NELL1: variants seen among roughly 807,000 people sequenced by gnomAD.
NELL1 encodes the protein neural EGFL like 1.
A neutral mutation model predicts 107.4 loss-of-function variants in NELL1; 76 were observed. The ratio of observed to expected loss-of-function variants is 0.71; its 90% confidence interval spans 0.59 to 0.86. The LOEUF (loss-of-function observed/expected upper bound fraction) is 0.86. Among genes scored for constraint, NELL1 ranks in the 40% least tolerant of loss-of-function variants. The pLI, the probability that NELL1 is intolerant of heterozygous loss-of-function variation, is 0.00. For missense variants in NELL1, 1,024 were observed against 1,005.5 expected, an observed-to-expected ratio of 1.02 and a Z score of -0.25; for synonymous variants, 353 against 341.2, an observed-to-expected ratio of 1.03 and a Z score of -0.38.
At chr11:20,768,824 G>C (rs989779500) in intron 2 of NELL1, among the ~76,000 whole-genome samples, 1 of 152,142 alleles carries the variant, frequency 6.6e-6, no homozygotes, top group African/African-American at 2.4e-5. Context: ...GAGTATGGCC[G>C]TGCCCCCATC....
intron 2 of NELL1, among the ~76,000 whole-genome samples, chr11:20,760,928 C>G (rs956129151): frequency 2.0e-5 from 3 of 152,188 alleles, no homozygotes; most frequent in Non-Finnish European, 4.4e-5. Context: ...CTCGGCCCAA[C>G]ATCTCTAAAT....
chr11:21,206,999 C>T (rs549457102), intron 13 of NELL1, among the ~76,000 whole-genome samples: 1 of 152,294 alleles, frequency 6.6e-6, no homozygotes, highest in East Asian at 1.9e-4. Context: ...GTGACCATTA[C>T]ATAAAACCCA....
chr11:20,857,227 C>A (rs1848898896), intron 4 of NELL1, among the ~76,000 whole-genome samples: 1 of 152,092 alleles, frequency 6.6e-6, no homozygotes, highest in African/African-American at 2.4e-5. Flanking sequence ...CCAGAGCAGG[C>A]AGCCGAGATA....
At chr11:20,721,875 A>C (rs1003107869) in intron 2 of NELL1, among the ~76,000 whole-genome samples, 1 of 152,170 alleles carries the variant, frequency 6.6e-6, no homozygotes, top group African/African-American at 2.4e-5. Flanking sequence ...TTAACAGGTT[A>C]ACATGTGAGG....
chr11:21,192,518 G>A (rs1357011663), intron 13 of NELL1, among the ~76,000 whole-genome samples: 1 of 151,750 alleles, frequency 6.6e-6, no homozygotes, highest in Non-Finnish European at 1.5e-5. Context: ...GTGAGCATTA[G>A]GCTATTACTG....
At chr11:21,328,735 C>G (rs1438677286) in intron 14 of NELL1, among the ~76,000 whole-genome samples, 4 of 152,150 alleles carry the variant, frequency 2.6e-5, no homozygotes, top group Non-Finnish European at 5.9e-5. Context: ...TATGGGAGCC[C>G]ACCTCTTGCA....
intron 16 of NELL1, among the ~76,000 whole-genome samples, chr11:21,555,564 T>C (rs1429437907): frequency 6.6e-6 from 1 of 151,830 alleles, no homozygotes; most frequent in Non-Finnish European, 1.5e-5. Flanking sequence ...GGAAGAGTCA[T>C]TGCAGAGTAA....
At chr11:21,310,467 G>A (rs1849727486) in intron 14 of NELL1, among the ~76,000 whole-genome samples, 1 of 151,898 alleles carries the variant, frequency 6.6e-6, no homozygotes, top group Admixed American at 6.6e-5. Context: ...TCCTAATATT[G>A]GTAATCTAGT....
intron 4 of NELL1, among the ~76,000 whole-genome samples, chr11:20,850,296 T>A (rs1848772573): frequency 1.3e-5 from 2 of 152,168 alleles, no homozygotes; most frequent in Non-Finnish European, 2.9e-5. Flanking sequence ...CATTACTACT[T>A]TGTGATTCTT....
intron 15 of NELL1, among the ~76,000 whole-genome samples, chr11:21,477,865 TAATAATA>T (rs1854385423): frequency 6.8e-6 from 1 of 146,558 alleles, no homozygotes; most frequent in African/African-American, 2.5e-5. Context: ...AAGTTATTTA[TAATAATA>T]AATAAATTAT....
chr11:21,067,692 A>G (rs1388704112), intron 12 of NELL1, among the ~76,000 whole-genome samples: 2 of 152,172 alleles, frequency 1.3e-5, no homozygotes, highest in African/African-American at 4.8e-5. Flanking sequence ...ATATATTTCT[A>G]AAATAGTATA....
intron 15 of NELL1, among the ~76,000 whole-genome samples, chr11:21,444,583 T>A (rs1015789249): frequency 9.2e-5 from 14 of 152,144 alleles, no homozygotes; most frequent in Non-Finnish European, 1.9e-4. Flanking sequence ...TTGATTTTTT[T>A]AAAACATTTA....
At chr11:20,750,429 C>A (rs1856106422) in intron 2 of NELL1, among the ~76,000 whole-genome samples, 1 of 151,826 alleles carries the variant, frequency 6.6e-6, no homozygotes, top group Non-Finnish European at 1.5e-5. Flanking sequence ...TTTGATGAAG[C>A]CCAGTATATA....
intron 12 of NELL1, among the ~76,000 whole-genome samples, chr11:21,095,833 C>T (rs1854628793): frequency 2.6e-5 from 4 of 152,174 alleles, no homozygotes; most frequent in Admixed American, 1.3e-4. Flanking sequence ...TGGTCTTGAA[C>T]TCCTGACCTC....
At chr11:21,185,076 A>G (rs928885773) in intron 13 of NELL1, among the ~76,000 whole-genome samples, 2 of 151,570 alleles carry the variant, frequency 1.3e-5, no homozygotes, top group South Asian at 2.1e-4. Context: ...TCACTTGTCC[A>G]TCTTCCCATC....
At chr11:21,374,676 T>C (rs1851429781) in intron 15 of NELL1, among the ~76,000 whole-genome samples, 1 of 152,124 alleles carries the variant, frequency 6.6e-6, no homozygotes, top group Non-Finnish European at 1.5e-5. Context: ...CTGTTACTTA[T>C]TCTCAAACCT....
chr11:21,451,280 T>G (rs1367614225), intron 15 of NELL1, among the ~76,000 whole-genome samples: 1 of 151,972 alleles, frequency 6.6e-6, no homozygotes, highest in East Asian at 1.9e-4. Context: ...CCACACATTG[T>G]GTTAAGCACT....
chr11:21,292,941 G>A (rs1849303000), intron 14 of NELL1, among the ~76,000 whole-genome samples: 1 of 152,090 alleles, frequency 6.6e-6, no homozygotes, highest in Non-Finnish European at 1.5e-5. Flanking sequence ...ATGGATTAAA[G>A]GCTTAAATAT....
intron 3 of NELL1, among the ~76,000 whole-genome samples, chr11:20,825,488 G>T (rs1857861410): frequency 6.6e-6 from 1 of 151,464 alleles, no homozygotes; most frequent in African/African-American, 2.4e-5. Flanking sequence ...TCTTGCATCT[G>T]TGTGACCTGG....
Sources: allele counts gnomAD v4.1 joint callset (sites outside exome capture counted in the v4.1 genomes callset), GRCh38; gene constraint gnomAD v4.1.1; transcripts MANE v1.5; gene names NCBI Gene and HGNC (gene_info 2026-07-23, HGNC 2026-07-21).